The following DEK variants were observed in gnomAD, a reference collection of about 807,000 sequenced individuals.
DEK encodes DEK proto-oncogene.
In DEK, 28 loss-of-function variants were observed where a neutral mutation model predicts 46.8. The observed-to-expected ratio is 0.60, with a 90% CI of 0.44 to 0.82. DEK has a LOEUF of 0.82. Among genes scored for constraint, DEK ranks in the 40% least tolerant of loss-of-function variants. The pLI is 0.00. For missense variants in DEK, 416 were observed against 430.6 expected (o/e 0.97, Z 0.30); for synonymous variants, 160 against 144.5 (o/e 1.11, Z -0.77).
At chr6:18,245,741 G>A (rs1316354041) in intron 7 of DEK, among the ~76,000 whole-genome samples, 1 of 152,210 alleles carries the variant, frequency 6.6e-6, no homozygotes, top group Non-Finnish European at 1.5e-5. Context: ...TGTGGTTTAT[G>A]ACCAAATGTG....
chr6:18,226,934 G>C (rs1222500214), intron 9 of DEK, among the ~76,000 whole-genome samples: 1 of 152,214 alleles, frequency 6.6e-6, no homozygotes, highest in Non-Finnish European at 1.5e-5. Flanking sequence ...ATTAAGGGCT[G>C]TGCAAGATGT....
chr6:18,228,970 C>A (rs1418315180), intron 9 of DEK, among the ~76,000 whole-genome samples: 1 of 152,182 alleles, frequency 6.6e-6, no homozygotes, highest in Non-Finnish European at 1.5e-5. Context: ...AGTCCCTGTC[C>A]CCTGAGTGGC....
chr6:18,246,933 GAAT>G (rs1390105104), intron 7 of DEK, among the ~76,000 whole-genome samples: 2 of 152,130 alleles, frequency 1.3e-5, no homozygotes, highest in Non-Finnish European at 2.9e-5. Context: ...AAAATAAACA[GAAT>G]ATTAACTCAC....
At chr6:18,236,702 C>T in intron 8 of DEK, 102 bp from the exon 9 acceptor site, 1 of 805,354 alleles carries the variant, frequency 1.2e-6, no homozygotes, top group East Asian at 3.3e-5. Context: ...CAAAGGGGTA[C>T]TGGATCAAAA....
At chr6:18,226,063 GATC>G (rs1790111832) in intron 10 of DEK, 108 bp downstream of exon 10, 1 of 937,374 alleles carries the variant, frequency 1.1e-6, no homozygotes, top group African/African-American at 1.7e-5. Context: ...GAAATGTGAG[GATC>G]AAATGTGATA....
chr6:18,229,785 C>T (rs529207221), intron 9 of DEK, among the ~76,000 whole-genome samples: 4 of 152,156 alleles, frequency 2.6e-5, no homozygotes, highest in African/African-American at 9.7e-5. Context: ...GAGAATGGAA[C>T]CAAGTTGGAA....
intron 2 of DEK, among the ~76,000 whole-genome samples, chr6:18,260,203 A>T (rs541345607): frequency 6.6e-6 from 1 of 152,196 alleles, no homozygotes; most frequent in Non-Finnish European, 1.5e-5. Flanking sequence ...TCATCTGTAG[A>T]TTACTCATAA....
At chr6:18,252,678 TG>T (rs1358330179) in intron 6 of DEK, among the ~76,000 whole-genome samples, 4 of 152,202 alleles carry the variant, frequency 2.6e-5, no homozygotes, top group African/African-American at 9.7e-5. Context: ...TGGGGTTTCC[TG>T]AGACCTTTTT....
Position 18,224,704 on chromosome 6 carries a change from T to A in DEK, c.*1015A>T, listed in dbSNP as rs1341568067. ...CTGGCATTATAATCTGGTACTTTAG[T>A]CATAATCGTGAAGCTGGCTAGGTTT... On this transcript the variant is annotated 3_prime_UTR_variant, in exon 11 of 11. Coordinates refer to ENST00000652689, the MANE Select transcript of DEK (RefSeq NM_003472.4). The A allele has an allele frequency of 1.4e-5, 3 of 213,366 alleles. No individual in the cohort carries two copies. Among genetic ancestry groups the A allele is most frequent in the African/African-American group, 2.3e-5 (1 of 44,250 alleles). The allele number at this position is 213,366 out of a possible 1,614,324, so 13.2% of individuals were successfully genotyped here.
rs143990679 is a variant in DEK, at chr6:18,228,947, A to T, written c.1048-2705T>A. ...CCTCTGTAGACTCCACCTCTGACAG[A>T]CTGCCTCAAGTGAGTCCCTGTCCCC... On this transcript the variant is annotated intron_variant, in intron 9 of 10. Coordinates refer to ENST00000652689, the MANE Select transcript of DEK (RefSeq NM_003472.4). Among the ~76,000 whole-genome samples, 83 of 152,232 alleles carry T rather than the reference A, an allele frequency of 5.5e-4. 1 individual carries two copies. In the Middle Eastern group the frequency reaches 0.02, roughly 37 times the overall value.
chr6:18,237,274 T>C, intron 8 of DEK, 107 bp downstream of exon 8: 3 of 1,315,368 alleles, frequency 2.3e-6, no homozygotes, highest in South Asian at 3.3e-5. Flanking sequence ...CTCCCCGCAA[T>C]GTTCTCTGCA....
intron 7 of DEK, among the ~76,000 whole-genome samples, chr6:18,248,456 T>C (rs1366069819): frequency 6.6e-6 from 1 of 152,152 alleles, no homozygotes; most frequent in Non-Finnish European, 1.5e-5. Context: ...CAAACAAACA[T>C]GTTTTCCTCC....
At position 18,253,132 on chromosome 6, in the gene DEK, C is replaced by T. The variant is rs189341266; in HGVS notation, c.573+2599G>A. Among the ~76,000 whole-genome samples, 147 of 150,140 alleles carry T rather than the reference C, an allele frequency of 9.8e-4. 3 individuals carry two copies. In the East Asian group the frequency reaches 0.027, roughly 27 times the overall value. Reference sequence around the variant, plus strand: ...TTTTTTTTTTTTTGAGACAGTCTCGCTCTGTCGCCCAGGCTGGAGTGCAGC... The same window carrying T: ...TTTTTTTTTTTTTGAGACAGTCTCGTTCTGTCGCCCAGGCTGGAGTGCAGC... On this transcript the variant is annotated intron_variant, in intron 6 of 10. Transcript: ENST00000652689.
intron 7 of DEK, among the ~76,000 whole-genome samples, chr6:18,241,156 C>T (rs1465858156): frequency 1.3e-5 from 2 of 152,110 alleles, no homozygotes; most frequent in African/African-American, 4.8e-5. Flanking sequence ...ATCACTTCGG[C>T]TGCCCTGAAG....
At chr6:18,238,288 C>G (rs1459182830) in intron 7 of DEK, among the ~76,000 whole-genome samples, 2 of 152,154 alleles carry the variant, frequency 1.3e-5, no homozygotes, top group African/African-American at 4.8e-5. Flanking sequence ...GTTACCTTGT[C>G]CACAGTCACA....
chr6:18,234,569 G>C (rs62395759), intron 9 of DEK, among the ~76,000 whole-genome samples: 1,968 of 152,110 alleles, frequency 0.013, 18 homozygotes, highest in Non-Finnish European at 0.019. Context: ...TTCCACCAAT[G>C]GCAGTTTCAT....
chr6:18,239,338 CTTTTTT>C (rs58941276), intron 7 of DEK, among the ~76,000 whole-genome samples: 25 of 78,292 alleles, frequency 3.2e-4, no homozygotes, highest in African/African-American at 9.0e-4. Context: ...ATTTTAGTGT[CTTTTTT>C]TTTTTTTTTT....
intron 2 of DEK, 137 bp from the exon 3 acceptor site, chr6:18,258,542 G>A: frequency 1.7e-6 from 1 of 578,708 alleles, no homozygotes; most frequent in Non-Finnish European, 2.8e-6. Flanking sequence ...GAAAGCAAAT[G>A]ACATAAAAGA....
At chr6:18,257,285 A>G (rs1162437522) in intron 4 of DEK, among the ~76,000 whole-genome samples, 2 of 152,184 alleles carry the variant, frequency 1.3e-5, no homozygotes, top group Admixed American at 6.5e-5. Context: ...ACCGACATTC[A>G]CTTATTCTGA....
Sources: allele counts gnomAD v4.1 joint callset (sites outside exome capture counted in the v4.1 genomes callset), GRCh38; gene constraint gnomAD v4.1.1; transcripts MANE v1.5; gene names NCBI Gene and HGNC (gene_info 2026-07-23, HGNC 2026-07-21).